COBL: variants seen among roughly 807,000 people sequenced by gnomAD.
The protein encoded by COBL is protein cordon-bleu.
A neutral mutation model predicts 98.8 loss-of-function variants in COBL; 51 were observed. The observed-to-expected ratio is 0.52, with a 90% CI of 0.41 to 0.65. COBL has a LOEUF of 0.65. COBL is among the 30% of genes least tolerant of loss of function. The probability of loss-of-function intolerance (pLI) is 0.00; values close to 1 mark genes in which losing one functional copy is unlikely to be tolerated. For missense variants in COBL, 1,617 were observed against 1,617.5 expected (o/e 1.00, Z 0.01); for synonymous variants, 634 against 651.7 (o/e 0.97, Z 0.41).
rs370903946 is a variant in COBL, at chr7:51,281,085, T to TGAAAACTTAGTAA, written c.41+35495_41+35507dup. On this transcript the variant is annotated intron_variant, in intron 1 of 12. Transcript: ENST00000265136. ...TAAGGGCAAGAACGCTTGAAATGAA[T>TGAAAACTTAGTAA]GAAAACTTAGTAAGTCTTGGCAAAG... Among the ~76,000 whole-genome samples the TGAAAACTTAGTAA allele has an allele frequency of 7.5e-3, 1,149 of 152,284 alleles. 15 individuals are homozygous for TGAAAACTTAGTAA. The highest frequency in any genetic ancestry group is 0.027 in the African/African-American group (1,116 of 41,554).
chr7:51,186,366 A>G (rs557012893), intron 4 of COBL, among the ~76,000 whole-genome samples: 1 of 152,348 alleles, frequency 6.6e-6, no homozygotes, highest in East Asian at 1.9e-4. Context: ...AAAAATCTTA[A>G]GTTGAGAAAT....
In COBL at chr7:51,150,462, A is replaced by G. The variant is rs557642293; in HGVS notation, c.784-14131T>C. 6.6e-5 allele frequency among the ~76,000 whole-genome samples: 10 copies of G among 152,206 alleles called. 1 individual carries two copies. The highest frequency in any genetic ancestry group is 2.6e-4 in the Admixed American group (4 of 15,276). On this transcript the variant is annotated intron_variant, in intron 5 of 12. Transcript: ENST00000265136. ...TTCAGTGTTTCAGGAAGCTCCCCCA[A>G]TACACAGAGCTGCCGTGAATCATCA...
intron 2 of COBL, among the ~76,000 whole-genome samples, chr7:51,206,604 CAAG>C (rs1330651770): frequency 6.6e-6 from 1 of 151,940 alleles, no homozygotes; most frequent in African/African-American, 2.4e-5. Flanking sequence ...TCACAATAGC[CAAG>C]AAGTGGAAGT....
chr7:51,252,046 C>T (rs1259776035), intron 1 of COBL, among the ~76,000 whole-genome samples: 1 of 152,118 alleles, frequency 6.6e-6, no homozygotes, highest in African/African-American at 2.4e-5. Context: ...CACAAACTTC[C>T]TCGATGTCCT....
intron 6 of COBL, among the ~76,000 whole-genome samples, chr7:51,086,358 G>GAAAAAAA (rs57609497): frequency 1.3e-5 from 1 of 74,810 alleles, no homozygotes; most frequent in Non-Finnish European, 2.5e-5. Flanking sequence ...CTGTGTCTCA[G>GAAAAAAA]AAAAAAAAAA....
At chr7:51,150,917 T>C (rs1348822031) in intron 5 of COBL, among the ~76,000 whole-genome samples, 1 of 152,198 alleles carries the variant, frequency 6.6e-6, no homozygotes, top group South Asian at 2.1e-4. Context: ...AGATGCTCAG[T>C]TGGTTCTTTC....
chr7:51,302,295 T>C (rs1802049722), intron 1 of COBL, among the ~76,000 whole-genome samples: 1 of 152,154 alleles, frequency 6.6e-6, no homozygotes, highest in Admixed American at 6.6e-5. Flanking sequence ...AGATTCACAA[T>C]TCTGGACTGG....
At chr7:51,272,130 T>C (rs1798814078) in intron 1 of COBL, among the ~76,000 whole-genome samples, 1 of 152,232 alleles carries the variant, frequency 6.6e-6, no homozygotes. Context: ...TTTTTAAGCA[T>C]TTAACATTTT....
intron 6 of COBL, among the ~76,000 whole-genome samples, chr7:51,104,387 G>GT (rs1340192499): frequency 3.3e-5 from 5 of 152,182 alleles, no homozygotes; most frequent in African/African-American, 1.2e-4. Context: ...AGAGCACAGC[G>GT]TGGTGGCCCC....
chr7:51,074,474 G>A (rs1024291544), intron 7 of COBL, among the ~76,000 whole-genome samples: 14 of 152,264 alleles, frequency 9.2e-5, no homozygotes, highest in African/African-American at 2.6e-4. Flanking sequence ...GATTACAGGC[G>A]TGAAGGTAAT....
At chr7:51,034,036 C>T (rs1399291881) in intron 8 of COBL, 1 of 152,594 alleles carries the variant, frequency 6.6e-6, no homozygotes, top group African/African-American at 2.4e-5. Flanking sequence ...TTTCTGGAGT[C>T]TGGGGACCCT....
At chr7:51,274,167 C>T (rs1244129939) in intron 1 of COBL, among the ~76,000 whole-genome samples, 3 of 152,200 alleles carry the variant, frequency 2.0e-5, no homozygotes, top group African/African-American at 4.8e-5. Context: ...GGGCCGCCTC[C>T]CGCTTCACTC....
intron 6 of COBL, among the ~76,000 whole-genome samples, chr7:51,118,434 G>T (rs1797469239): frequency 6.6e-6 from 1 of 152,050 alleles, no homozygotes; most frequent in African/African-American, 2.4e-5. Context: ...AAGACTGAGA[G>T]ACTTGGCCTT....
chr7:51,266,569 A>G (rs1265302311), intron 1 of COBL, among the ~76,000 whole-genome samples: 1 of 152,132 alleles, frequency 6.6e-6, no homozygotes, highest in Non-Finnish European at 1.5e-5. Flanking sequence ...CAAGAGCGAG[A>G]CTCCATCTCA....
intron 1 of COBL, among the ~76,000 whole-genome samples, chr7:51,254,029 G>A (rs12719044): frequency 0.32 from 47,691 of 151,400 alleles, 9,212 homozygotes; most frequent in Non-Finnish European, 0.43. Context: ...TTTTATGTTG[G>A]ATACCTCATT....
At chr7:51,230,924 A>G (rs1794682689) in intron 1 of COBL, among the ~76,000 whole-genome samples, 1 of 152,210 alleles carries the variant, frequency 6.6e-6, no homozygotes, top group African/African-American at 2.4e-5. Context: ...GAAGTCACAC[A>G]AGACTTGACT....
chr7:51,196,158 T>C (rs1790570566), intron 2 of COBL, among the ~76,000 whole-genome samples: 1 of 152,184 alleles, frequency 6.6e-6, no homozygotes, highest in Non-Finnish European at 1.5e-5. Flanking sequence ...TCTTATTATT[T>C]TGAGGTATAT....
intron 1 of COBL, among the ~76,000 whole-genome samples, chr7:51,265,188 G>A (rs1227611367): frequency 6.6e-6 from 1 of 152,210 alleles, no homozygotes; most frequent in Non-Finnish European, 1.5e-5. Flanking sequence ...ACAACCGCGT[G>A]CTCATCTGTT....
At chr7:51,066,805 C>A (rs1791977614) in intron 7 of COBL, among the ~76,000 whole-genome samples, 1 of 152,174 alleles carries the variant, frequency 6.6e-6, no homozygotes, top group African/African-American at 2.4e-5. Context: ...TCCTTCATGG[C>A]AAGGTGCCTC....
Sources: gnomAD v4.1 joint callset for allele counts (sites outside exome capture counted in the v4.1 genomes callset) on GRCh38, gnomAD v4.1.1 for gene constraint, MANE v1.5 for transcripts, NCBI Gene and HGNC (gene_info 2026-07-23, HGNC 2026-07-21) for gene names.